Variants in NAALADL2 observed in about 807,000 individuals in gnomAD.
The protein encoded by NAALADL2 is inactive N-acetylated-alpha-linked acidic dipeptidase-like protein 2.
NAALADL2 carries 76 observed loss-of-function variants against 87.2 expected under a neutral mutation model. The ratio of observed to expected loss-of-function variants is 0.87; its 90% CI spans 0.72 to 1.05. NAALADL2 has a LOEUF of 1.05. NAALADL2 is among the 50% of genes least tolerant of loss of function. The probability of loss-of-function intolerance (pLI) is 0.00; values close to 1 mark genes in which losing one functional copy is unlikely to be tolerated. For missense variants in NAALADL2, 1,089 were observed against 945.8 expected, an observed-to-expected ratio of 1.15 and a Z score of -1.99; for synonymous variants, 354 against 331.0, an observed-to-expected ratio of 1.07 and a Z score of -0.75.
intron 2 of NAALADL2, among the ~76,000 whole-genome samples, chr3:174,660,991 T>C (rs1725449155): frequency 6.6e-6 from 1 of 152,122 alleles, no homozygotes. Flanking sequence ...AGGTAAAAAA[T>C]GGTACATCAT....
chr3:175,262,581 T>C (rs1307140401), intron 4 of NAALADL2, among the ~76,000 whole-genome samples: 4 of 89,366 alleles, frequency 4.5e-5, no homozygotes, highest in Non-Finnish European at 1.1e-4. Context: ...TGTGAGTGTG[T>C]GTGTGTGTGT....
chr3:175,150,837 C>T (rs939501756), intron 2 of NAALADL2, among the ~76,000 whole-genome samples: 15 of 152,126 alleles, frequency 9.9e-5, no homozygotes, highest in African/African-American at 1.9e-4. Flanking sequence ...GTGTCAAATA[C>T]GCAGTAGTGA....
chr3:174,776,964 C>G (rs1715290092), intron 3 of NAALADL2, among the ~76,000 whole-genome samples: 1 of 152,038 alleles, frequency 6.6e-6, no homozygotes, highest in Admixed American at 6.6e-5. Context: ...AAATCAATGG[C>G]AACAGCATTG....
chr3:175,616,029 AT>A (rs1331664559), intron 10 of NAALADL2, among the ~76,000 whole-genome samples: 3 of 147,230 alleles, frequency 2.0e-5, no homozygotes, highest in Non-Finnish European at 4.5e-5. Context: ...TATATTACAT[AT>A]ACTGTAATAT....
chr3:175,306,779 G>C (rs959644504), intron 4 of NAALADL2, among the ~76,000 whole-genome samples: 3 of 152,182 alleles, frequency 2.0e-5, no homozygotes, highest in African/African-American at 7.2e-5. Context: ...CCTGGAGGAG[G>C]AGGTTGCAGT....
In NAALADL2 at chr3:175,586,125, C is replaced by G. The variant is rs951959964; in HGVS notation, c.1800+9938C>G. ...TATGGCCATGAATGAATTTCCACGC[C>G]CTGTTCTTGAATCTCCACAACTTAA... is the stretch of plus-strand genomic sequence containing the variant. On this transcript the variant is annotated intron_variant, in intron 10 of 13. Coordinates refer to ENST00000454872, the MANE Select transcript of NAALADL2 (RefSeq NM_207015.3). Among the ~76,000 whole-genome samples, 76 of 152,194 alleles carry G rather than the reference C, an allele frequency of 5.0e-4. 1 individual carries two copies. The highest frequency in any genetic ancestry group is 1.7e-3 in the African/African-American group (72 of 41,506).
At chr3:175,287,850 A>G (rs1024167680) in intron 4 of NAALADL2, among the ~76,000 whole-genome samples, 2 of 152,210 alleles carry the variant, frequency 1.3e-5, no homozygotes, top group Non-Finnish European at 2.9e-5. Context: ...CCCTTTCTAC[A>G]TCATTGCAAG....
rs2108272374 is a variant in NAALADL2 at position 174,451,156 on chromosome 3, T to C, written c.-184+10124T>C. ...GAGAATAACATGGTATGATGACATA[T>C]GTCTCTATCCTCTGTATGAACCTCA... is the stretch of plus-strand genomic sequence containing the variant. On this transcript the variant is annotated intron_variant, in intron 1 of 3. Transcript: ENST00000434257. Among the ~76,000 whole-genome samples, 2 of 152,334 alleles carry C rather than the reference T, an allele frequency of 1.3e-5. 1 individual carries two copies. Among genetic ancestry groups the C allele is most frequent in the South Asian group, 4.1e-4 (2 of 4,830 alleles).
In NAALADL2 at chr3:175,167,741, CT is replaced by C. The variant is rs1180017686; in HGVS notation, c.546-66188del. On this transcript the variant is annotated intron_variant, in intron 2 of 13. Transcript: ENST00000454872. ...TTCCATCCCCACTTCTCATGCTGCTCTTCCTCATCTTTTAGGTTTCAGTTAA... is the reference window on the plus strand; with the variant it reads ...TTCCATCCCCACTTCTCATGCTGCTCTCCTCATCTTTTAGGTTTCAGTTAA... Among the ~76,000 whole-genome samples, 4 of 152,190 alleles carry C rather than the reference CT, an allele frequency of 2.6e-5. No individual in the cohort carries two copies. The East Asian group carries it at 7.7e-4, about 29-fold the overall frequency.
chr3:174,829,277 C>G (rs895598144), intron 3 of NAALADL2, among the ~76,000 whole-genome samples: 4 of 150,934 alleles, frequency 2.7e-5, no homozygotes, highest in Non-Finnish European at 5.9e-5. Context: ...CCCCCCACCC[C>G]ACAACAGTCC....
chr3:175,717,465 G>A (rs1276293470), intron 11 of NAALADL2, among the ~76,000 whole-genome samples: 2 of 152,094 alleles, frequency 1.3e-5, no homozygotes, highest in South Asian at 2.1e-4. Flanking sequence ...GCCGAGGAAG[G>A]AGGATTGCTT....
intron 1 of NAALADL2, among the ~76,000 whole-genome samples, chr3:174,965,144 C>T (rs1742683275): frequency 6.6e-6 from 1 of 152,042 alleles, no homozygotes; most frequent in Non-Finnish European, 1.5e-5. Flanking sequence ...TTGCATGGGC[C>T]TGAATGATTC....
At chr3:174,999,957 T>C (rs1748009478) in intron 1 of NAALADL2, among the ~76,000 whole-genome samples, 2 of 152,122 alleles carry the variant, frequency 1.3e-5, no homozygotes, top group South Asian at 4.1e-4. Context: ...GTGTGCCAGA[T>C]AGGTATATTT....
intron 10 of NAALADL2, among the ~76,000 whole-genome samples, chr3:175,599,764 C>A (rs1044735349): frequency 1.4e-4 from 21 of 152,024 alleles, no homozygotes; most frequent in African/African-American, 4.8e-4. Flanking sequence ...CTTTCTTTGA[C>A]CAAAATGGTA....
At position 175,097,290 on chromosome 3, in the gene NAALADL2, A is replaced by G. The variant is rs1040457584; in HGVS notation, c.544A>G (p.Arg182Gly). Residue 182 changes from arginine (R) to glycine (G), a missense_variant and splice_region_variant, in exon 2 of 14, where the codon AGA becomes GGA. By Grantham distance (125) the Arg-to-Gly change is moderately radical. Transcript: ENST00000454872. Reference protein sequence around the residue: ...IQAEDIKKSFRNLVQLYKNED... With the variant: ...IQAEDIKKSFGNLVQLYKNED... ...GGCAGAAGATATTAAGAAGTCTTTC[A>G]GGTAGGTGAAGAAGAAACAGATGTT... 5 of 1,602,968 alleles carry G rather than the reference A, an allele frequency of 3.1e-6. No homozygotes were observed. In the African/African-American group the frequency reaches 6.7e-5, roughly 22 times the overall value.
chr3:174,910,324 AT>A (rs926399857), intron 1 of NAALADL2, among the ~76,000 whole-genome samples: 3 of 152,098 alleles, frequency 2.0e-5, no homozygotes, highest in African/African-American at 7.2e-5. Flanking sequence ...ATAACTATAT[AT>A]TTTAAAATAA....
intron 2 of NAALADL2, among the ~76,000 whole-genome samples, chr3:175,218,966 C>A (rs1232804075): frequency 6.6e-6 from 1 of 151,816 alleles, no homozygotes; most frequent in Non-Finnish European, 1.5e-5. Flanking sequence ...CCACCGTGCC[C>A]AGCCATTCAT....
chr3:174,657,527 A>C (rs1315737047), intron 2 of NAALADL2, among the ~76,000 whole-genome samples: 2 of 152,130 alleles, frequency 1.3e-5, no homozygotes, highest in Non-Finnish European at 2.9e-5. Flanking sequence ...GAAGGCATAG[A>C]GATATCCCAT....
At chr3:174,499,096 G>C (rs1189431805) in intron 1 of NAALADL2, among the ~76,000 whole-genome samples, 1 of 151,812 alleles carries the variant, frequency 6.6e-6, no homozygotes, top group Non-Finnish European at 1.5e-5. Context: ...CTTTATTATA[G>C]GCATGTATAT....
Sources: gnomAD v4.1 joint callset for allele counts (sites outside exome capture counted in the v4.1 genomes callset) on GRCh38, gnomAD v4.1.1 for gene constraint, MANE v1.5 for transcripts, NCBI Gene and HGNC (gene_info 2026-07-23, HGNC 2026-07-21) for gene names.